The following SDK1 variants were observed in gnomAD, a reference collection of about 807,000 sequenced individuals.
The protein encoded by SDK1 is protein sidekick-1.
In SDK1, 157 loss-of-function variants were observed where a neutral mutation model predicts 245.5. The ratio of observed to expected loss-of-function variants is 0.64; its 90% CI spans 0.56 to 0.73. SDK1 has a LOEUF of 0.73. Among genes scored for constraint, SDK1 ranks in the 30% least tolerant of loss-of-function variants. SDK1 has a pLI of 0.00. For missense variants in SDK1, 3,583 were observed against 3,002.3 expected (o/e 1.19, Z -4.52); for synonymous variants, 1,647 against 1,278.5 (o/e 1.29, Z -6.15).
chr7:4,067,234 G>A (rs1480609583), intron 19 of SDK1, among the ~76,000 whole-genome samples: 1 of 152,194 alleles, frequency 6.6e-6, no homozygotes, highest in South Asian at 2.1e-4. Context: ...GTAACTCTGC[G>A]GCTCTGCCTG....
At chr7:4,132,069 G>T (rs1034040721) in intron 27 of SDK1, among the ~76,000 whole-genome samples, 1 of 152,122 alleles carries the variant, frequency 6.6e-6, no homozygotes, top group Non-Finnish European at 1.5e-5. Context: ...GGCATAGTTC[G>T]TGAACCCTGC....
At chr7:3,691,620 C>T (rs1784437996) in intron 4 of SDK1, among the ~76,000 whole-genome samples, 1 of 122,798 alleles carries the variant, frequency 8.1e-6, no homozygotes, top group African/African-American at 3.2e-5. Context: ...GATTATCTAC[C>T]ATGATGCATT....
intron 14 of SDK1, among the ~76,000 whole-genome samples, chr7:3,991,390 C>T (rs887147698): frequency 7.9e-5 from 12 of 152,154 alleles, no homozygotes; most frequent in Non-Finnish European, 1.5e-5. Flanking sequence ...GCTTTTCCCT[C>T]CTCAGGGCTC....
intron 1 of SDK1, among the ~76,000 whole-genome samples, chr7:3,350,762 C>T (rs7781736): frequency 0.2 from 30,026 of 152,068 alleles, 3,206 homozygotes; most frequent in African/African-American, 0.29. Flanking sequence ...AGGCTTTGTA[C>T]TGGCTTGTTT....
At chr7:3,592,979 C>T (rs999794754) in intron 1 of SDK1, among the ~76,000 whole-genome samples, 1 of 152,280 alleles carries the variant, frequency 6.6e-6, no homozygotes, top group African/African-American at 2.4e-5. Flanking sequence ...GTACCTAGGA[C>T]AAGATTACCC....
At chr7:4,064,760 C>G (rs572577018) in intron 19 of SDK1, among the ~76,000 whole-genome samples, 27 of 152,232 alleles carry the variant, frequency 1.8e-4, no homozygotes, top group African/African-American at 6.0e-4. Flanking sequence ...TCATTTGCAG[C>G]AACATGCAGG....
intron 4 of SDK1, among the ~76,000 whole-genome samples, chr7:3,695,046 T>A (rs1311344618): frequency 6.6e-6 from 1 of 152,182 alleles, no homozygotes; most frequent in Admixed American, 6.5e-5. Context: ...GGGAAACATA[T>A]TAGAGACTCT....
At chr7:3,965,352 C>G (rs778538682) in intron 9 of SDK1, among the ~76,000 whole-genome samples, 16 of 152,060 alleles carry the variant, frequency 1.1e-4, no homozygotes, top group Admixed American at 2.0e-4. Context: ...TAACCAAACC[C>G]AGATTATAGG....
intron 5 of SDK1, among the ~76,000 whole-genome samples, chr7:3,923,001 C>T (rs758674560): frequency 3.9e-5 from 6 of 152,206 alleles, no homozygotes; most frequent in Non-Finnish European, 8.8e-5. Context: ...CAGCCAGGTT[C>T]ACTGATTTGA....
At chr7:3,604,040 T>C (rs1486200942) in intron 1 of SDK1, among the ~76,000 whole-genome samples, 2 of 152,206 alleles carry the variant, frequency 1.3e-5, no homozygotes, top group African/African-American at 2.4e-5. Context: ...GCCCACTTGA[T>C]CATGGTGGAT....
At chr7:4,056,386 C>T (rs931652872) in intron 19 of SDK1, among the ~76,000 whole-genome samples, 6 of 152,072 alleles carry the variant, frequency 3.9e-5, no homozygotes, top group Non-Finnish European at 7.4e-5. Flanking sequence ...TACTGGCCTC[C>T]TTCATAAAGA....
intron 1 of SDK1, among the ~76,000 whole-genome samples, chr7:3,393,317 C>G (rs1214446611): frequency 1.3e-5 from 2 of 152,022 alleles, no homozygotes; most frequent in Non-Finnish European, 2.9e-5. Flanking sequence ...TGAAGTTGTT[C>G]AATCATATGA....
chr7:3,852,730 G>T (rs2115104354), intron 5 of SDK1, among the ~76,000 whole-genome samples: 1 of 105,244 alleles, frequency 9.5e-6, no homozygotes, highest in Admixed American at 1.5e-4. Flanking sequence ...CAGCCTGGGA[G>T]ACAGAGCAAG....
intron 5 of SDK1, among the ~76,000 whole-genome samples, chr7:3,914,021 T>C (rs1399220112): frequency 6.6e-6 from 1 of 152,164 alleles, no homozygotes; most frequent in Non-Finnish European, 1.5e-5. Flanking sequence ...TGCCCTATTA[T>C]AAAGGAAGAA....
chr7:3,604,016 A>G (rs991343478), intron 1 of SDK1, among the ~76,000 whole-genome samples: 2 of 152,206 alleles, frequency 1.3e-5, no homozygotes, highest in Non-Finnish European at 2.9e-5. Context: ...CCAGCCTTGC[A>G]TCCCAGGGAT....
rs561957884 is a variant in SDK1, at chr7:3,607,770, C to G, written c.299-11310C>G. 3.9e-5 allele frequency among the ~76,000 whole-genome samples: 6 copies of G among 152,326 alleles called. No individual in the cohort carries two copies. The South Asian group carries it at 1.2e-3, about 32-fold the overall frequency. ...AGATCCAGCATTCTGTAGGAAGATGCAATTTCATTCTGTGACAACATGTTT... is the reference window on the plus strand; with the variant it reads ...AGATCCAGCATTCTGTAGGAAGATGGAATTTCATTCTGTGACAACATGTTT... On this transcript the variant is annotated intron_variant, in intron 1 of 44. Transcript: ENST00000404826.
At chr7:4,107,383 G>T (rs1315366354) in intron 22 of SDK1, among the ~76,000 whole-genome samples, 3 of 152,146 alleles carry the variant, frequency 2.0e-5, no homozygotes, top group South Asian at 4.1e-4. Context: ...CGTGAGCCAC[G>T]TGCGCCCTGA....
intron 4 of SDK1, among the ~76,000 whole-genome samples, chr7:3,696,161 A>T (rs1260428479): frequency 1.3e-5 from 2 of 151,942 alleles, no homozygotes; most frequent in East Asian, 3.9e-4. Context: ...CCTCCTAGAG[A>T]TGATGTCCTG....
chr7:3,679,228 T>C (rs1374899128), intron 4 of SDK1, among the ~76,000 whole-genome samples: 2 of 152,198 alleles, frequency 1.3e-5, no homozygotes, highest in Non-Finnish European at 2.9e-5. Flanking sequence ...ATCTGAAATC[T>C]GTGAAGAACT....
Sources: allele counts gnomAD v4.1 joint callset (sites outside exome capture counted in the v4.1 genomes callset), GRCh38; gene constraint gnomAD v4.1.1; transcripts MANE v1.5; gene names NCBI Gene and HGNC (gene_info 2026-07-23, HGNC 2026-07-21).